The following TMEM272 variants were observed in gnomAD, a reference collection of about 807,000 sequenced individuals.
The protein encoded by TMEM272 is long intergenic non-protein coding RNA 282.
In TMEM272, 8 loss-of-function variants were observed where a neutral mutation model predicts 3.7. That is an observed-to-expected ratio of 2.17 (90% CI 1.27 to 3.91). TMEM272 has a LOEUF of 3.91. Ranked by LOEUF, TMEM272 falls within the 30% of genes most tolerant of loss-of-function variation. The pLI is 0.00. For missense variants in TMEM272, 166 were observed against 91.5 expected, an observed-to-expected ratio of 1.81 and a Z score of -3.32; for synonymous variants, 63 against 39.8, an observed-to-expected ratio of 1.58 and a Z score of -2.20.
the TMEM272 span, among the ~76,000 whole-genome samples, chr13:51,905,345 C>A: frequency 6.6e-6 from 1 of 152,212 alleles, no homozygotes; most frequent in Non-Finnish European, 1.5e-5. Context: ...CCACCTCGGA[C>A]ACGGCAGGTC....
the TMEM272 span, among the ~76,000 whole-genome samples, chr13:51,863,183 G>T: frequency 6.6e-6 from 1 of 152,230 alleles, no homozygotes; most frequent in African/African-American, 2.4e-5. Context: ...GCTGAATAGA[G>T]CCCGTTAATA....
At chr13:51,910,546 G>A in the TMEM272 span, 347 of 702,586 alleles carry the variant, frequency 4.9e-4, no homozygotes, top group Non-Finnish European at 8.9e-4. Flanking sequence ...CCTTCAGGCA[G>A]TGCTGCCATA....
chr13:51,929,507 T>C, the TMEM272 span, among the ~76,000 whole-genome samples: 7 of 152,204 alleles, frequency 4.6e-5, no homozygotes, highest in African/African-American at 1.7e-4. Context: ...GTTGTTTTGG[T>C]CAGATAGACA....
chr13:51,849,889 G>C (rs150119433), upstream of TMEM272, among the ~76,000 whole-genome samples: 3 of 152,162 alleles, frequency 2.0e-5, no homozygotes, highest in African/African-American at 7.2e-5. Context: ...GCTTCCTGCC[G>C]TCTGTGGTCT....
At chr13:51,908,290 C>T in the TMEM272 span, 1 of 1,096,466 alleles carries the variant, frequency 9.1e-7, no homozygotes, top group Middle Eastern at 2.0e-4. Context: ...GGAACTCACT[C>T]TATCTTCAGA....
chr13:51,926,613 G>A, the TMEM272 span, among the ~76,000 whole-genome samples: 1 of 150,328 alleles, frequency 6.7e-6, no homozygotes, highest in East Asian at 2.0e-4. Flanking sequence ...GGTTGGGGGT[G>A]GGGGGGGTGG....
chr13:51,913,952 C>T, the TMEM272 span, among the ~76,000 whole-genome samples: 1 of 152,208 alleles, frequency 6.6e-6, no homozygotes, highest in Non-Finnish European at 1.5e-5. Context: ...GCCTGCTGCA[C>T]AGCTGCAAAC....
At chr13:51,881,036 G>A in the TMEM272 span, among the ~76,000 whole-genome samples, 2 of 152,214 alleles carry the variant, frequency 1.3e-5, no homozygotes, top group African/African-American at 4.8e-5. Context: ...TGAAAAGTTA[G>A]GTGAACTGCC....
intron 2 of TMEM272, among the ~76,000 whole-genome samples, chr13:51,834,897 G>A (rs927062529): frequency 6.6e-6 from 1 of 152,234 alleles, no homozygotes; most frequent in Admixed American, 6.5e-5. Flanking sequence ...GGATGAAAGC[G>A]ATCCTCCAGG....
the TMEM272 span, chr13:51,910,536 C>T: frequency 1.4e-6 from 1 of 712,520 alleles, no homozygotes; most frequent in South Asian, 1.4e-5. Context: ...TGGTCTCACA[C>T]CTTCAGGCAG....
intron 1 of TMEM272, among the ~76,000 whole-genome samples, chr13:51,839,217 C>T (rs1956240929): frequency 2.0e-5 from 3 of 152,162 alleles, no homozygotes; most frequent in African/African-American, 4.8e-5. Flanking sequence ...TTGGTTGACA[C>T]TGTGAGAAAG....
the TMEM272 span, chr13:51,910,075 G>A: frequency 2.5e-6 from 3 of 1,199,688 alleles, no homozygotes; most frequent in African/African-American, 4.5e-5. Flanking sequence ...AGTGATTTGA[G>A]GGATTTTGAC....
chr13:51,915,639 C>T, the TMEM272 span, among the ~76,000 whole-genome samples: 1 of 152,190 alleles, frequency 6.6e-6, no homozygotes, highest in Non-Finnish European at 1.5e-5. Flanking sequence ...ACGAAGTGGA[C>T]AGTGGGAGTA....
the TMEM272 span, among the ~76,000 whole-genome samples, chr13:51,911,649 G>A: frequency 4.6e-5 from 7 of 152,184 alleles, no homozygotes; most frequent in Non-Finnish European, 1.0e-4. Context: ...TTGGTTTCTG[G>A]AGACTCTGGG....
At chr13:51,908,649 G>A in the TMEM272 span, 20,509 of 1,290,668 alleles carry the variant, frequency 0.016, 143 homozygotes, top group East Asian at 0.17. Flanking sequence ...ATTTCCACTG[G>A]ATTCCATTTC....
the TMEM272 span, among the ~76,000 whole-genome samples, chr13:51,929,746 C>T: frequency 1.3e-5 from 2 of 152,248 alleles, no homozygotes; most frequent in East Asian, 3.8e-4. Flanking sequence ...GGACAGTCAA[C>T]TGAACAACCT....
the TMEM272 span, among the ~76,000 whole-genome samples, chr13:51,912,972 A>C: frequency 1.3e-5 from 2 of 152,248 alleles, no homozygotes; most frequent in Non-Finnish European, 2.9e-5. Context: ...CAGGACTAAC[A>C]GGTGTCCACT....
At chr13:51,919,012 C>CT in the TMEM272 span, among the ~76,000 whole-genome samples, 1 of 152,052 alleles carries the variant, frequency 6.6e-6, no homozygotes, top group East Asian at 1.9e-4. Context: ...GGCTCTGCTC[C>CT]TTTCTGAAAC....
chr13:51,901,925 G>A, the TMEM272 span, among the ~76,000 whole-genome samples: 2 of 152,116 alleles, frequency 1.3e-5, no homozygotes, highest in East Asian at 1.9e-4. Flanking sequence ...GAGCAAAAAC[G>A]CCAGGCCTTT....
Sources: gnomAD v4.1 joint callset for allele counts (sites outside exome capture counted in the v4.1 genomes callset) on GRCh38, gnomAD v4.1.1 for gene constraint, MANE v1.5 for transcripts, NCBI Gene and HGNC (gene_info 2026-07-23, HGNC 2026-07-21) for gene names.